SULT2B1: variants seen among roughly 807,000 people sequenced by gnomAD.
SULT2B1 encodes the protein sulfotransferase 2B1.
SULT2B1 carries 16 observed loss-of-function variants against 33.2 expected under a neutral mutation model. The observed-to-expected ratio is 0.48, with a 90% confidence interval of 0.33 to 0.73. The LOEUF (loss-of-function observed/expected upper bound fraction) is 0.73. SULT2B1 is among the 30% of genes least tolerant of loss of function. The probability of loss-of-function intolerance (pLI) is 0.02; values close to 1 mark genes in which losing one functional copy is unlikely to be tolerated. For synonymous variants in SULT2B1, 186 were observed against 200.5 expected (o/e 0.93, Z 0.61); for missense variants, 500 against 506.0 (o/e 0.99, Z 0.11).
intron 2 of SULT2B1, among the ~76,000 whole-genome samples, chr19:48,580,081 G>T (rs368005747): frequency 9.4e-5 from 14 of 148,404 alleles, no homozygotes; most frequent in South Asian, 8.8e-4. Context: ...ACACCACCAC[G>T]CCCAGCTAAT....
At chr19:48,553,979 T>A (rs547126107) in intron 1 of SULT2B1, among the ~76,000 whole-genome samples, 3 of 152,062 alleles carry the variant, frequency 2.0e-5, no homozygotes, top group South Asian at 2.1e-4. Context: ...GCCTTTTTTT[T>A]ATCTCCGCGA....
chr19:48,562,575 A>T (rs1260675617), intron 1 of SULT2B1, among the ~76,000 whole-genome samples: 1 of 152,106 alleles, frequency 6.6e-6, no homozygotes, highest in African/African-American at 2.4e-5. Flanking sequence ...AAATAGAAAT[A>T]AAAAATCATA....
chr19:48,568,858 G>C (rs1035290359), intron 1 of SULT2B1, among the ~76,000 whole-genome samples: 11 of 150,516 alleles, frequency 7.3e-5, no homozygotes, highest in Admixed American at 2.0e-4. Flanking sequence ...GTCCCACTCA[G>C]GCCCCAGAAT....
At chr19:48,566,039 A>C (rs971461749) in intron 1 of SULT2B1, among the ~76,000 whole-genome samples, 1 of 151,858 alleles carries the variant, frequency 6.6e-6, no homozygotes, top group Non-Finnish European at 1.5e-5. Flanking sequence ...CAGCCTCCCA[A>C]GTAGCTGGGA....
At position 48,599,304 on chromosome 19, in the gene SULT2B1, C is replaced by G. The variant is rs1367975101; in HGVS notation, c.996C>G (p.Ser332Arg). The change falls in exon 7 of 7, where the codon AGC (serine) becomes AGG (arginine). Residue 332 changes from serine (S) to arginine (R), a missense_variant. Ser to Arg is a moderately radical substitution (Grantham distance 110). Transcript: ENST00000201586. This position sits in a 1 kb window ranked among gnomAD's most constrained non-coding sequence, Gnocchi z 4.1. ...GCCCTGAGCCTGAGCCCAAGCCCAG[C>G]CTTGAGCCCAACACCAGCCTGGAGC... ...EPSPEPEPKP[S>R]LEPNTSLERE... is the part of the protein sequence containing the mutation. 6.2e-7 allele frequency: 1 copy of G among 1,608,764 alleles called. No homozygotes were observed. The highest frequency in any genetic ancestry group is 1.7e-5 in the Admixed American group (1 of 59,450).
At chr19:48,570,851 T>C (rs1458118155) in intron 1 of SULT2B1, among the ~76,000 whole-genome samples, 1 of 150,790 alleles carries the variant, frequency 6.6e-6, no homozygotes, top group Non-Finnish European at 1.5e-5. Flanking sequence ...GCCTCCCGAG[T>C]AGCTGGGACT....
chr19:48,560,535 A>C (rs182795066), intron 1 of SULT2B1, among the ~76,000 whole-genome samples: 2 of 152,030 alleles, frequency 1.3e-5, no homozygotes, highest in Non-Finnish European at 2.9e-5. Context: ...CCATAGATAT[A>C]TACCGTGAGC....
intron 1 of SULT2B1, among the ~76,000 whole-genome samples, chr19:48,556,546 G>A (rs915740639): frequency 6.6e-6 from 1 of 152,168 alleles, no homozygotes. Context: ...GAAACTCCCC[G>A]TGGTGGGCCA....
chr19:48,590,232 A>T (rs1344313528), intron 3 of SULT2B1, among the ~76,000 whole-genome samples: 18 of 151,652 alleles, frequency 1.2e-4, no homozygotes, highest in Admixed American at 8.5e-4. Flanking sequence ...CAGGTGATCC[A>T]CCCGCCTTAG....
intron 2 of SULT2B1, among the ~76,000 whole-genome samples, chr19:48,578,125 A>C (rs888967125): frequency 6.6e-6 from 1 of 151,926 alleles, no homozygotes; most frequent in African/African-American, 2.4e-5. Context: ...AGGCAGGAGG[A>C]TCACTTTAGC....
chr19:48,564,413 C>T (rs891891753), intron 1 of SULT2B1, among the ~76,000 whole-genome samples: 12 of 150,158 alleles, frequency 8.0e-5, no homozygotes, highest in South Asian at 2.1e-4. Flanking sequence ...ATTAGCTGGG[C>T]GTGGTGGCAG....
In SULT2B1 at chr19:48,592,759, G is replaced by T. The variant is rs1167184883; in HGVS notation, c.588G>T (p.Trp196Cys). The change falls in exon 5 of 7, where the codon TGG becomes TGT. Residue 196 changes from tryptophan (W) to cysteine (C), a missense_variant. Coordinates refer to ENST00000201586, the MANE Select transcript of SULT2B1 (RefSeq NM_177973.2). Reference sequence around the variant, plus strand: ...CCTGGTTCGACCACATTAAGGGCTGGCTTCGGATGAAGGGCAAAGACAACT... The same window carrying T: ...CCTGGTTCGACCACATTAAGGGCTGTCTTCGGATGAAGGGCAAAGACAACT... The part of the protein sequence containing the change: ...FGSWFDHIKG[W>C]LRMKGKDNFL... 2 of 1,598,758 alleles carry T rather than the reference G, an allele frequency of 1.3e-6. No individual in the cohort carries two copies. The highest frequency in any genetic ancestry group is 8.5e-7 in the Non-Finnish European group (1 of 1,172,348).
intron 1 of SULT2B1, among the ~76,000 whole-genome samples, chr19:48,570,627 A>G (rs1370296636): frequency 1.3e-5 from 2 of 151,602 alleles, no homozygotes; most frequent in African/African-American, 4.8e-5. Flanking sequence ...GGTCAAGTGT[A>G]GATGTTGGTT....
intron 4 of SULT2B1, 26 bp from the exon 5 acceptor site, chr19:48,592,696 C>T (rs956380397): frequency 1.3e-6 from 2 of 1,563,654 alleles, no homozygotes; most frequent in Non-Finnish European, 1.7e-6. Flanking sequence ...ACTCAGCCCT[C>T]ACCCCACTTG....
chr19:48,588,399 C>A (rs1318728292), intron 3 of SULT2B1, among the ~76,000 whole-genome samples: 1 of 151,566 alleles, frequency 6.6e-6, no homozygotes, highest in East Asian at 1.9e-4. Context: ...GTAATCCCAG[C>A]TACTTGGGAG....
At chr19:48,593,864 C>A (rs1180653917) in intron 5 of SULT2B1, among the ~76,000 whole-genome samples, 2 of 150,384 alleles carry the variant, frequency 1.3e-5, no homozygotes, top group Non-Finnish European at 3.0e-5. Context: ...GAACTCCTGA[C>A]CTCAGGTGAT....
chr19:48,587,692 G>C (rs564754514), intron 3 of SULT2B1, among the ~76,000 whole-genome samples: 1 of 149,364 alleles, frequency 6.7e-6, no homozygotes, highest in Non-Finnish European at 1.5e-5. Context: ...AGGAGTTTGA[G>C]ACCAGCTTGG....
chr19:48,599,297 A>G lies in SULT2B1; in HGVS notation c.989A>G (p.Lys330Arg), dbSNP rs2147634369. Reference sequence around the variant, plus strand: ...GAGCCCAGCCCTGAGCCTGAGCCCAAGCCCAGCCTTGAGCCCAACACCAGC... The same window carrying G: ...GAGCCCAGCCCTGAGCCTGAGCCCAGGCCCAGCCTTGAGCCCAACACCAGC... ...DPEPSPEPEP[K>R]PSLEPNTSLE... The change falls in exon 7 of 7, where the codon AAG becomes AGG. Residue 330 changes from lysine (K) to arginine (R), a missense_variant. Physicochemically the swap from Lys to Arg is conservative, Grantham distance 26. Transcript: ENST00000201586. The surrounding 1 kb of genome is among the most constrained non-coding windows in gnomAD (Gnocchi z 4.1). The G allele has an allele frequency of 1.9e-6, 3 of 1,610,338 alleles. No individual in the cohort carries two copies. In the East Asian group the frequency reaches 6.7e-5, roughly 36 times the overall value.
At position 48,564,572 on chromosome 19, in the gene SULT2B1, A is replaced by AAAAG. The variant is rs1555731883; in HGVS notation, c.72-11361_72-11358dup. On this transcript the variant is annotated intron_variant, in intron 1 of 6. Transcript: ENST00000201586. ...GTCTCAAAAAAAAAAAAAAAAAAAA[A>AAAAG]AAAGAAAGAAAAAAAGAGGAACTTA... Among the ~76,000 whole-genome samples the AAAAG allele has an allele frequency of 3.6e-3, 533 of 146,860 alleles. 2 individuals carry two copies. The highest frequency in any genetic ancestry group is 6.8e-3 in the African/African-American group (265 of 39,168).
Sources: allele counts gnomAD v4.1 joint callset (sites outside exome capture counted in the v4.1 genomes callset), GRCh38; gene constraint gnomAD v4.1.1; non-coding constraint Gnocchi (gnomAD v3.1); transcripts MANE v1.5; gene names NCBI Gene and HGNC (gene_info 2026-07-23, HGNC 2026-07-21).